Variants in GRID2 observed in about 807,000 individuals in gnomAD.
The protein encoded by GRID2 is glutamate receptor ionotropic, delta-2.
A neutral mutation model predicts 114.8 loss-of-function variants in GRID2; 33 were observed. That is an observed-to-expected ratio of 0.29 (90% CI 0.22 to 0.38). The LOEUF is 0.38. Among genes scored for constraint, GRID2 ranks in the 10% least tolerant of loss-of-function variants. The pLI, the probability that GRID2 is intolerant of heterozygous loss-of-function variation, is 1.00. For missense variants in GRID2, 1,184 were observed against 1,257.7 expected, an observed-to-expected ratio of 0.94 and a Z score of 0.89; for synonymous variants, 505 against 449.9, an observed-to-expected ratio of 1.12 and a Z score of -1.55.
At position 92,562,766 on chromosome 4, in the gene GRID2, C is replaced by G. The variant is rs117538985; in HGVS notation, c.89-27365C>G. Among the ~76,000 whole-genome samples the G allele has an allele frequency of 5.9e-5, 9 of 152,170 alleles. No homozygotes were observed. In the East Asian group the frequency reaches 1.5e-3, roughly 26 times the overall value. On this transcript the variant is annotated intron_variant, in intron 1 of 15. Coordinates refer to ENST00000282020, the MANE Select transcript of GRID2 (RefSeq NM_001510.4). ...TTTTATTTATCTATGATGCCTGCCT[C>G]ACAAAATTTTAGTAAAAATTCAATT...
intron 2 of GRID2, among the ~76,000 whole-genome samples, chr4:92,804,979 A>G (rs991756867): frequency 1.3e-5 from 2 of 152,026 alleles, no homozygotes; most frequent in East Asian, 1.9e-4. Context: ...TCCATTGCTA[A>G]TACTTATACT....
intron 2 of GRID2, among the ~76,000 whole-genome samples, chr4:92,710,794 G>A (rs938815882): frequency 6.6e-6 from 1 of 151,824 alleles, no homozygotes; most frequent in African/African-American, 2.4e-5. Flanking sequence ...ACCTTATTAT[G>A]GACATAATAT....
chr4:92,481,104 T>C, intron 1 of GRID2, among the ~76,000 whole-genome samples: 1 of 152,276 alleles, frequency 6.6e-6, no homozygotes, highest in East Asian at 1.9e-4. Context: ...TGAATGTGTA[T>C]ATGACGTAAA....
At chr4:93,124,106 TAAAAAAAAAAGA>T (rs1734052373) in intron 4 of GRID2, among the ~76,000 whole-genome samples, 1 of 131,174 alleles carries the variant, frequency 7.6e-6, no homozygotes, top group Admixed American at 7.5e-5. Context: ...TAAAGTATAA[TAAAAAAAAAAGA>T]AAAAAAAAAA....
intron 1 of GRID2, among the ~76,000 whole-genome samples, chr4:92,353,953 G>A (rs898880940): frequency 6.6e-6 from 1 of 151,946 alleles, no homozygotes; most frequent in African/African-American, 2.4e-5. Flanking sequence ...TTTTGCCTCA[G>A]GCATCCGCAG....
intron 2 of GRID2, among the ~76,000 whole-genome samples, chr4:92,684,765 G>A (rs913743133): frequency 8.6e-5 from 13 of 152,028 alleles, no homozygotes; most frequent in Non-Finnish European, 4.4e-5. Flanking sequence ...ATATAATGAA[G>A]CCAAGGAAAT....
intron 8 of GRID2, among the ~76,000 whole-genome samples, chr4:93,336,530 A>G (rs1759107435): frequency 1.3e-5 from 2 of 152,176 alleles, no homozygotes; most frequent in South Asian, 4.1e-4. Flanking sequence ...GCTCTCAGGT[A>G]TATGTGTGGG....
At chr4:92,930,905 C>T (rs989779882) in intron 2 of GRID2, among the ~76,000 whole-genome samples, 8 of 150,814 alleles carry the variant, frequency 5.3e-5, no homozygotes, top group African/African-American at 9.7e-5. Context: ...ACTCCAGGCA[C>T]GGAAAGATTG....
At chr4:92,699,906 CAT>C (rs1212336310) in intron 2 of GRID2, among the ~76,000 whole-genome samples, 3 of 152,126 alleles carry the variant, frequency 2.0e-5, no homozygotes, top group African/African-American at 7.2e-5. Context: ...TGAATACACA[CAT>C]GATTTTGTTA....
rs1465804436 is a variant in GRID2 at position 92,525,464 on chromosome 4, C to T, written c.89-64667C>T. 3.9e-5 allele frequency among the ~76,000 whole-genome samples: 6 copies of T among 152,040 alleles called. No homozygotes were observed. In the East Asian group the frequency reaches 1.2e-3, roughly 30 times the overall value. ...TAGCAAGACCATGAGACTCATCTGT[C>T]CTAAATCACTGAGGGAGAACTGTCA... On this transcript the variant is annotated intron_variant, in intron 1 of 15. Coordinates refer to ENST00000282020, the MANE Select transcript of GRID2 (RefSeq NM_001510.4).
chr4:93,255,098 T>G (rs1226294763), intron 8 of GRID2, among the ~76,000 whole-genome samples: 1 of 152,168 alleles, frequency 6.6e-6, no homozygotes, highest in Non-Finnish European at 1.5e-5. Context: ...ATAGCTCTCG[T>G]GTTAGCTGTA....
intron 1 of GRID2, among the ~76,000 whole-genome samples, chr4:92,482,033 T>TA: frequency 1.8e-5 from 1 of 55,978 alleles, no homozygotes; most frequent in South Asian, 5.8e-4. Context: ...TATATATATA[T>TA]AAAATAACAA....
intron 2 of GRID2, among the ~76,000 whole-genome samples, chr4:92,907,636 C>T (rs1475311174): frequency 2.0e-5 from 3 of 152,108 alleles, no homozygotes; most frequent in Non-Finnish European, 4.4e-5. Context: ...TCTTGAACTC[C>T]TGACCTCAGT....
At chr4:92,860,786 C>G (rs1744475802) in intron 2 of GRID2, among the ~76,000 whole-genome samples, 1 of 151,926 alleles carries the variant, frequency 6.6e-6, no homozygotes. Context: ...TATACAGTAC[C>G]TGAAAGGCAG....
chr4:93,728,813 G>A (rs1484964019), intron 14 of GRID2, among the ~76,000 whole-genome samples: 1 of 151,962 alleles, frequency 6.6e-6, no homozygotes, highest in African/African-American at 2.4e-5. Context: ...TGCAACCCCT[G>A]CCTTTTTTTG....
intron 8 of GRID2, among the ~76,000 whole-genome samples, chr4:93,338,035 C>A (rs976869027): frequency 6.6e-6 from 1 of 152,042 alleles, no homozygotes; most frequent in Non-Finnish European, 1.5e-5. Context: ...TAACAGCTGG[C>A]TCTCCAGGTT....
intron 2 of GRID2, among the ~76,000 whole-genome samples, chr4:92,742,364 C>T (rs1350792530): frequency 6.6e-6 from 1 of 151,910 alleles, no homozygotes; most frequent in Non-Finnish European, 1.5e-5. Flanking sequence ...TCTTTTTCCC[C>T]CTTTTCCCTT....
Position 93,164,626 on chromosome 4 carries a change from C to T in GRID2, c.736-42778C>T, listed in dbSNP as rs1207263653. The T allele has an allele frequency of 4.0e-5, 12 of 303,226 alleles. 1 individual carries two copies. Among genetic ancestry groups the T allele is most frequent in the East Asian group, 1.6e-4 (2 of 12,824 alleles). 18.8% of individuals were successfully genotyped at this position (303,226 alleles called of 1,614,324 possible). ...TATGTTGACTTTTAATAGTATCAAA[C>T]GAATGGTAGGGGAAAAAAATGAAAA... On this transcript the variant is annotated intron_variant, in intron 4 of 15. Coordinates refer to ENST00000282020, the MANE Select transcript of GRID2 (RefSeq NM_001510.4).
chr4:92,543,549 A>G (rs2149165123), intron 1 of GRID2, among the ~76,000 whole-genome samples: 1 of 152,284 alleles, frequency 6.6e-6, no homozygotes, highest in South Asian at 2.1e-4. Flanking sequence ...CAAATACTTT[A>G]GTTTTGCAAG....
Sources: allele counts gnomAD v4.1 joint callset (sites outside exome capture counted in the v4.1 genomes callset), GRCh38; gene constraint gnomAD v4.1.1; transcripts MANE v1.5; gene names NCBI Gene and HGNC (gene_info 2026-07-23, HGNC 2026-07-21).